The following STXBP5 variants were observed in gnomAD, a reference collection of about 807,000 sequenced individuals.
STXBP5 encodes syntaxin binding protein 5, also known as syntaxin-binding protein 5.
STXBP5 carries 50 observed loss-of-function variants against 152.4 expected under a neutral mutation model. That is an observed-to-expected ratio of 0.33 (90% CI 0.26 to 0.42). STXBP5 has a LOEUF of 0.42. Ranked by LOEUF, STXBP5 falls within the 10% of genes least tolerant of loss-of-function variation. STXBP5 has a pLI of 1.00. For missense variants in STXBP5, 1,167 were observed against 1,388.6 expected, an observed-to-expected ratio of 0.84 and a Z score of 2.54; for synonymous variants, 492 against 494.7, an observed-to-expected ratio of 0.99 and a Z score of 0.07.
rs1376711047 is a variant in STXBP5, at chr6:147,387,176, G to C, written c.*2421G>C. 6.6e-6 allele frequency: 1 copy of C among 151,588 alleles called. No individual in the cohort carries two copies. The highest frequency in any genetic ancestry group is 2.4e-5 in the African/African-American group (1 of 41,352). The allele number at this position is 151,588 out of a possible 1,614,324, so 9.4% of individuals were successfully genotyped here. On this transcript the variant is annotated 3_prime_UTR_variant, in exon 28 of 28. Transcript: ENST00000321680. ...GCTTCTCAGAGTTATACTTGATTCT[G>C]TCTGTAGATAAGAGACAGTCTACAG...
intron 4 of STXBP5, among the ~76,000 whole-genome samples, chr6:147,242,861 T>C (rs1235073512): frequency 6.6e-6 from 1 of 152,178 alleles, no homozygotes; most frequent in Non-Finnish European, 1.5e-5. Flanking sequence ...ATCATACATA[T>C]AGCATGTAGC....
In STXBP5 at chr6:147,325,076, C is replaced by T. The variant is rs774591134; in HGVS notation, c.1920C>T (p.Ser640=). ...QQITSLAVNS[S]YGLVVFGNCN... Reference sequence around the variant, plus strand: ...TAACCAGCCTGGCAGTCAATTCTTCCTATGGACTGTAAGTATAAGTTACGT... The same window carrying T: ...TAACCAGCCTGGCAGTCAATTCTTCTTATGGACTGTAAGTATAAGTTACGT... Residue 640 remains serine, a synonymous_variant, in exon 17 of 28, where the codon TCC becomes TCT. Coordinates refer to ENST00000321680, the MANE Select transcript of STXBP5 (RefSeq NM_001127715.4). The T allele has an allele frequency of 6.5e-7, 1 of 1,543,186 alleles. No individual in the cohort carries two copies. Among genetic ancestry groups the T allele is most frequent in the Admixed American group, 1.9e-5 (1 of 52,768 alleles).
intron 9 of STXBP5, among the ~76,000 whole-genome samples, chr6:147,296,971 T>G (rs1781557676): frequency 6.6e-6 from 1 of 151,704 alleles, no homozygotes; most frequent in African/African-American, 2.4e-5. Flanking sequence ...AACTTAAGAG[T>G]TGCATTTAAA....
chr6:147,269,744 GATT>G (rs1780064650), intron 7 of STXBP5, among the ~76,000 whole-genome samples: 1 of 152,080 alleles, frequency 6.6e-6, no homozygotes, highest in Admixed American at 6.5e-5. Context: ...ACTGCCAAAG[GATT>G]AATACGCTTC....
chr6:147,334,880 A>G (rs1225509287), intron 19 of STXBP5, among the ~76,000 whole-genome samples: 1 of 152,148 alleles, frequency 6.6e-6, no homozygotes, highest in Non-Finnish European at 1.5e-5. Context: ...TGAAGAGATC[A>G]TTCTTAGCAT....
chr6:147,208,819 A>G (rs1444329312), intron 2 of STXBP5, among the ~76,000 whole-genome samples: 1 of 152,162 alleles, frequency 6.6e-6, no homozygotes, highest in Non-Finnish European at 1.5e-5. Context: ...GAAGAAAGAT[A>G]TATCTGATAG....
rs1263051499 is a variant in STXBP5, at chr6:147,321,447, C to A, written c.1803-3512C>A. 4.6e-5 allele frequency among the ~76,000 whole-genome samples: 7 copies of A among 151,902 alleles called. No homozygotes were observed. In the East Asian group the frequency reaches 9.7e-4, roughly 21 times the overall value. On this transcript the variant is annotated intron_variant, in intron 16 of 27. Coordinates refer to ENST00000321680, the MANE Select transcript of STXBP5 (RefSeq NM_001127715.4). Reference sequence around the variant, plus strand: ...ACAATAAAGTTTTTTAAAAAATTAGCCAGGTGTGGCGACATCACCTGTAGG... The same window carrying A: ...ACAATAAAGTTTTTTAAAAAATTAGACAGGTGTGGCGACATCACCTGTAGG...
intron 9 of STXBP5, among the ~76,000 whole-genome samples, chr6:147,301,700 C>T (rs1274983258): frequency 1.3e-5 from 2 of 152,152 alleles, no homozygotes; most frequent in Admixed American, 6.5e-5. Flanking sequence ...TTGCCATTCA[C>T]TTTCTTGTTT....
At chr6:147,306,031 A>G (rs1344237975) in intron 9 of STXBP5, among the ~76,000 whole-genome samples, 1 of 152,222 alleles carries the variant, frequency 6.6e-6, no homozygotes. Flanking sequence ...TAATATAGGT[A>G]CTAATTATGC....
intron 9 of STXBP5, 107 bp downstream of exon 9, chr6:147,291,279 C>T: frequency 1.4e-6 from 1 of 697,072 alleles, no homozygotes; most frequent in Non-Finnish European, 2.2e-6. Context: ...TAGTCTACAC[C>T]ATTCTTAAAT....
At position 147,206,698 on chromosome 6, in the gene STXBP5, CTGTT is replaced by C. The variant is rs1168523731; in HGVS notation, c.248+631_248+634del. On this transcript the variant is annotated intron_variant, in intron 2 of 27. Coordinates refer to ENST00000321680, the MANE Select transcript of STXBP5 (RefSeq NM_001127715.4). ...TACATTTGTTATGTATTTGTAAAAA[CTGTT>C]AGGTTACTATACATTAAACTAGTAG... is the stretch of plus-strand genomic sequence containing the variant. Among the ~76,000 whole-genome samples the C allele has an allele frequency of 3.9e-5, 6 of 152,156 alleles. No individual in the cohort carries two copies. In the East Asian group the frequency reaches 7.7e-4, roughly 20 times the overall value.
intron 4 of STXBP5, among the ~76,000 whole-genome samples, chr6:147,249,593 G>A (rs1218570929): frequency 1.3e-5 from 2 of 152,166 alleles, no homozygotes; most frequent in East Asian, 1.9e-4. Context: ...GGTGCGAGCC[G>A]ATTCTTCTTG....
chr6:147,358,051 G>C lies in STXBP5; in HGVS notation c.2306-1033G>C, dbSNP rs558586670. Among the ~76,000 whole-genome samples the C allele has an allele frequency of 3.3e-5, 5 of 152,280 alleles. 1 individual carries two copies. The highest frequency in any genetic ancestry group is 3.3e-4 in the Admixed American group (5 of 15,276). ...CGCCTGTCATTACAGACAGAGCTGG[G>C]TAAAGGAATTTGCCTGGTATCAAGT... On this transcript the variant is annotated intron_variant, in intron 22 of 27. Coordinates refer to ENST00000321680, the MANE Select transcript of STXBP5 (RefSeq NM_001127715.4).
intron 17 of STXBP5, among the ~76,000 whole-genome samples, chr6:147,325,461 TTGAAG>T (rs1783200095): frequency 2.6e-5 from 4 of 152,338 alleles, no homozygotes; most frequent in African/African-American, 4.8e-5. Context: ...TTTGTAAATG[TTGAAG>T]TGTAGTTGTG....
At chr6:147,373,930 A>C in intron 26 of STXBP5, 88 bp downstream of exon 26, 2 of 748,874 alleles carry the variant, frequency 2.7e-6, no homozygotes, top group East Asian at 5.4e-5. Context: ...AATTATGTTC[A>C]CTTTTTTTCT....
chr6:147,316,325 C>T lies in STXBP5; in HGVS notation c.1720C>T (p.Pro574Ser), dbSNP rs1448663918. 1 of 1,613,180 alleles carries T rather than the reference C, an allele frequency of 6.2e-7. No homozygotes were observed. The highest frequency in any genetic ancestry group is 1.3e-5 in the African/African-American group (1 of 74,836). Residue 574 changes from proline (P) to serine (S), a missense_variant, in exon 16 of 28, where the codon CCT becomes TCT. Pro to Ser is a moderately conservative substitution (Grantham distance 74, BLOSUM62 -1). Around this residue, in one of 3 missense-constraint regions of STXBP5, gnomAD observed 833 missense variants for 986.3 expected, o/e 0.84. Transcript: ENST00000321680. ...GCCAACACCCGTGGGAGGGTCCAAC[C>T]CTCAGCCCATCCCTCCTCAGTCTCA... The part of the protein sequence containing the change: ...PLPTPVGGSN[P>S]QPIPPQSHPS...
intron 4 of STXBP5, among the ~76,000 whole-genome samples, chr6:147,241,139 T>C (rs1226410814): frequency 6.6e-6 from 1 of 152,170 alleles, no homozygotes; most frequent in African/African-American, 2.4e-5. Context: ...TTTAGATTTA[T>C]AGAATAATTG....
chr6:147,262,196 A>G (rs1289698180), intron 5 of STXBP5, 94 bp from the exon 6 acceptor site: 2 of 750,056 alleles, frequency 2.7e-6, no homozygotes, highest in East Asian at 3.0e-5. Context: ...TATAAATATA[A>G]CTTATTTTCT....
At chr6:147,322,587 T>C (rs180933212) in intron 16 of STXBP5, among the ~76,000 whole-genome samples, 1 of 152,166 alleles carries the variant, frequency 6.6e-6, no homozygotes, top group African/African-American at 2.4e-5. Context: ...AAATTCAACA[T>C]CGAGTAGTCT....
Sources: gnomAD v4.1 joint callset for allele counts (sites outside exome capture counted in the v4.1 genomes callset) on GRCh38, gnomAD v4.1.1 for gene constraint, gnomAD v4.1.1 regional missense constraint, MANE v1.5 for transcripts, NCBI Gene and HGNC (gene_info 2026-07-23, HGNC 2026-07-21) for gene names.